Variants in MCTP1 observed in about 807,000 individuals in gnomAD.
MCTP1 encodes multiple C2 and transmembrane domain-containing protein 1.
MCTP1 carries 69 observed loss-of-function variants against 120.6 expected under a neutral mutation model. That is an observed-to-expected ratio of 0.57 (90% CI 0.47 to 0.70). The LOEUF (loss-of-function observed/expected upper bound fraction) is 0.70, where lower values mean the gene tolerates loss of function less well. Among genes scored for constraint, MCTP1 ranks in the 30% least tolerant of loss-of-function variants. MCTP1 has a pLI of 0.00. For synonymous variants in MCTP1, 529 were observed against 493.1 expected (o/e 1.07, Z -0.96); for missense variants, 1,203 against 1,248.8 (o/e 0.96, Z 0.55).
At chr5:95,259,031 A>C (rs1327794709) in intron 1 of MCTP1, among the ~76,000 whole-genome samples, 2 of 152,208 alleles carry the variant, frequency 1.3e-5, no homozygotes, top group African/African-American at 4.8e-5. Context: ...TTTTGTTATT[A>C]CAGGGAATAA....
intron 21 of MCTP1, 27 bp from the exon 22 acceptor site, chr5:94,708,636 G>A: frequency 3.6e-6 from 5 of 1,392,894 alleles, no homozygotes; most frequent in Non-Finnish European, 4.1e-6. Context: ...GTTAAACAAA[G>A]CACATTTCTG....
chr5:95,138,432 A>G (rs1450599725), intron 1 of MCTP1, among the ~76,000 whole-genome samples: 1 of 152,218 alleles, frequency 6.6e-6, no homozygotes, highest in Non-Finnish European at 1.5e-5. Context: ...GTAACTTTCT[A>G]GAAGAGCAAG....
chr5:94,834,546 T>C (rs1052045673), intron 17 of MCTP1, among the ~76,000 whole-genome samples: 1 of 152,134 alleles, frequency 6.6e-6, no homozygotes, highest in Non-Finnish European at 1.5e-5. Context: ...GATTTTTTGG[T>C]TATGAAATTT....
intron 1 of MCTP1, among the ~76,000 whole-genome samples, chr5:95,254,369 GA>G (rs2152704399): frequency 6.6e-6 from 1 of 152,172 alleles, no homozygotes; most frequent in East Asian, 1.9e-4. Flanking sequence ...TTCCAGATGA[GA>G]AAACTCAGGA....
intron 1 of MCTP1, among the ~76,000 whole-genome samples, chr5:95,108,717 C>T (rs1051076341): frequency 3.3e-5 from 5 of 152,258 alleles, no homozygotes; most frequent in Admixed American, 2.6e-4. Context: ...ACTTATGTGT[C>T]GTAATATCCA....
At chr5:94,942,245 C>T (rs919268564) in intron 4 of MCTP1, 103 bp downstream of exon 4, 5 of 782,554 alleles carry the variant, frequency 6.4e-6, no homozygotes, top group Non-Finnish European at 8.5e-6. Flanking sequence ...GAAGGCTCAC[C>T]ACTATAAATG....
chr5:94,764,771 C>A (rs1415759649), intron 19 of MCTP1, among the ~76,000 whole-genome samples: 1 of 115,860 alleles, frequency 8.6e-6, no homozygotes, highest in Non-Finnish European at 1.7e-5. Context: ...GACTCCAACA[C>A]AAAAATAATT....
chr5:95,067,630 T>G (rs1388077291), intron 1 of MCTP1, among the ~76,000 whole-genome samples: 2 of 152,050 alleles, frequency 1.3e-5, no homozygotes, highest in East Asian at 3.8e-4. Flanking sequence ...ATTTTAAATA[T>G]ATATTTTGTT....
At chr5:95,190,322 A>G (rs1749685341) in intron 1 of MCTP1, among the ~76,000 whole-genome samples, 1 of 152,140 alleles carries the variant, frequency 6.6e-6, no homozygotes, top group African/African-American at 2.4e-5. Flanking sequence ...TTGAAATAAA[A>G]GGAAATTAAG....
At chr5:94,997,152 G>A (rs1832780675) in intron 2 of MCTP1, among the ~76,000 whole-genome samples, 1 of 152,092 alleles carries the variant, frequency 6.6e-6, no homozygotes, top group Non-Finnish European at 1.5e-5. Flanking sequence ...CACTTGCATA[G>A]CCTCCCTAGT....
chr5:94,824,154 C>A (rs1786369258), intron 17 of MCTP1, among the ~76,000 whole-genome samples: 1 of 152,124 alleles, frequency 6.6e-6, no homozygotes, highest in African/African-American at 2.4e-5. Context: ...CAGCTTTTGC[C>A]CATTCAGGAT....
intron 1 of MCTP1, among the ~76,000 whole-genome samples, chr5:95,195,930 G>A (rs1264777986): frequency 6.6e-6 from 1 of 152,126 alleles, no homozygotes; most frequent in African/African-American, 2.4e-5. Context: ...TTCCTGGGAA[G>A]GTGATAAAGC....
intron 2 of MCTP1, among the ~76,000 whole-genome samples, chr5:94,989,604 G>C (rs967167628): frequency 6.6e-6 from 1 of 152,168 alleles, no homozygotes; most frequent in African/African-American, 2.4e-5. Context: ...AATCTCTGGA[G>C]TGGTAAGTGT....
chr5:94,716,963 A>G (rs1057002577), intron 19 of MCTP1, among the ~76,000 whole-genome samples: 5 of 152,156 alleles, frequency 3.3e-5, no homozygotes, highest in Non-Finnish European at 7.4e-5. Context: ...TGGGCATCAA[A>G]AGATTGGTAT....
intron 17 of MCTP1, chr5:94,867,896 T>C (rs1797121280): frequency 6.4e-6 from 1 of 157,182 alleles, no homozygotes; most frequent in Admixed American, 6.4e-5. Context: ...CATTACCAAG[T>C]AGCATTGGTA....
chr5:95,212,968 C>T (rs1752579810), intron 1 of MCTP1, among the ~76,000 whole-genome samples: 1 of 152,146 alleles, frequency 6.6e-6, no homozygotes, highest in Admixed American at 6.6e-5. Context: ...CAGGGATGCC[C>T]TCTCTCACCA....
chr5:94,768,438 A>C (rs532495275), intron 19 of MCTP1, among the ~76,000 whole-genome samples: 7 of 152,300 alleles, frequency 4.6e-5, no homozygotes, highest in African/African-American at 1.7e-4. Context: ...TCTGCACAGC[A>C]AAGGAAATAA....
intron 1 of MCTP1, among the ~76,000 whole-genome samples, chr5:95,222,631 A>G (rs923173091): frequency 1.3e-5 from 2 of 152,270 alleles, no homozygotes; most frequent in African/African-American, 4.8e-5. Flanking sequence ...CATTTCTGCT[A>G]TCACAAAATG....
At position 95,101,503 on chromosome 5, in the gene MCTP1, C is replaced by T. The variant is rs538634539; in HGVS notation, c.721-84019G>A. Reference sequence around the variant, plus strand: ...TCGGTAGTTGGTGCCATCAACCTAACGTGGATTCTGAACCAGAACCAGAAG... The same window carrying T: ...TCGGTAGTTGGTGCCATCAACCTAATGTGGATTCTGAACCAGAACCAGAAG... On this transcript the variant is annotated intron_variant, in intron 1 of 22. Coordinates refer to ENST00000515393, the MANE Select transcript of MCTP1 (RefSeq NM_024717.7). 4.6e-5 allele frequency among the ~76,000 whole-genome samples: 7 copies of T among 152,302 alleles called. No homozygotes were observed. The South Asian group carries it at 6.2e-4, about 14-fold the overall frequency.
Sources: gnomAD v4.1 joint callset for allele counts (sites outside exome capture counted in the v4.1 genomes callset) on GRCh38, gnomAD v4.1.1 for gene constraint, MANE v1.5 for transcripts, NCBI Gene and HGNC (gene_info 2026-07-23, HGNC 2026-07-21) for gene names.